Variants in WDR49 observed in about 807,000 individuals in gnomAD.
The protein encoded by WDR49 is WD repeat domain 49.
WDR49 carries 107 observed loss-of-function variants against 119.5 expected under a neutral mutation model. That is an observed-to-expected ratio of 0.90 (90% confidence interval 0.77 to 1.05). The LOEUF (loss-of-function observed/expected upper bound fraction) is 1.05. WDR49 is among the 50% of genes least tolerant of loss of function. WDR49 has a pLI of 0.00. For synonymous variants in WDR49, 425 were observed against 418.8 expected, an observed-to-expected ratio of 1.01 and a Z score of -0.18; for missense variants, 1,240 against 1,220.5, an observed-to-expected ratio of 1.02 and a Z score of -0.24.
chr3:167,615,706 G>A (rs912110847), intron 5 of WDR49, among the ~76,000 whole-genome samples: 2 of 152,120 alleles, frequency 1.3e-5, no homozygotes, highest in Non-Finnish European at 2.9e-5. Flanking sequence ...GAAAATTAAT[G>A]TAATGCTTTC....
At chr3:167,568,360 A>T (rs1255691958) in intron 8 of WDR49, among the ~76,000 whole-genome samples, 1 of 152,162 alleles carries the variant, frequency 6.6e-6, no homozygotes, top group Non-Finnish European at 1.5e-5. Flanking sequence ...AAATTATTGT[A>T]TAATAACTGC....
At chr3:167,650,143 A>G (rs1718303855) in intron 2 of WDR49, among the ~76,000 whole-genome samples, 3 of 152,178 alleles carry the variant, frequency 2.0e-5, no homozygotes, top group Admixed American at 2.0e-4. Flanking sequence ...ATCAAGCTCC[A>G]TGGCTTTCCC....
In WDR49 at chr3:167,606,932, A is replaced by G. The variant is rs562247346; in HGVS notation, c.959-2464T>C. On this transcript the variant is annotated intron_variant, in intron 5 of 18. Coordinates refer to ENST00000682715, the MANE Select transcript of WDR49 (RefSeq NM_001366157.1). ...GAACCTTCAGAATGAAGATCCAAAG[A>G]TATACAAGACACTGTCCATTTTTAC... 3.3e-5 allele frequency among the ~76,000 whole-genome samples: 5 copies of G among 152,326 alleles called. No individual in the cohort carries two copies. The East Asian group carries it at 9.6e-4, about 29-fold the overall frequency.
At chr3:167,583,231 G>A (rs1293447967) in intron 7 of WDR49, among the ~76,000 whole-genome samples, 1 of 151,706 alleles carries the variant, frequency 6.6e-6, no homozygotes, top group Non-Finnish European at 1.5e-5. Flanking sequence ...AATTTACAAT[G>A]TAAATTAAAA....
intron 2 of WDR49, among the ~76,000 whole-genome samples, chr3:167,647,698 A>G (rs1381508768): frequency 3.9e-5 from 6 of 152,182 alleles, no homozygotes; most frequent in Non-Finnish European, 8.8e-5. Flanking sequence ...GTCTTTGTTC[A>G]GCAGATGATG....
chr3:167,539,027 A>G (rs892173780), intron 10 of WDR49, among the ~76,000 whole-genome samples: 3 of 152,120 alleles, frequency 2.0e-5, no homozygotes, highest in African/African-American at 7.2e-5. Flanking sequence ...CTTTTCAGTT[A>G]TATATGAATA....
intron 8 of WDR49, among the ~76,000 whole-genome samples, chr3:167,571,876 A>T (rs77347319): frequency 0.058 from 8,844 of 152,260 alleles, 692 homozygotes; most frequent in African/African-American, 0.17. Flanking sequence ...GATGACACCT[A>T]AATGTCTACC....
At chr3:167,557,999 C>A (rs1281009143) in intron 9 of WDR49, among the ~76,000 whole-genome samples, 1 of 151,914 alleles carries the variant, frequency 6.6e-6, no homozygotes, top group Non-Finnish European at 1.5e-5. Flanking sequence ...GTTTGTAATC[C>A]CAGCTACTCA....
chr3:167,575,163 G>T, intron 8 of WDR49: 1 of 985,328 alleles, frequency 1.0e-6, no homozygotes, highest in African/African-American at 1.7e-5. Flanking sequence ...GTTACCATCA[G>T]GCCTGACGGG....
intron 2 of WDR49, among the ~76,000 whole-genome samples, chr3:167,647,128 A>G (rs555920839): frequency 3.5e-4 from 54 of 152,320 alleles, no homozygotes; most frequent in African/African-American, 1.2e-3. Flanking sequence ...AAATTTCAAA[A>G]GTAGCAGTGC....
intron 2 of WDR49, among the ~76,000 whole-genome samples, chr3:167,631,167 AATG>A (rs780253094): frequency 4.6e-5 from 7 of 152,026 alleles, no homozygotes; most frequent in Non-Finnish European, 8.8e-5. Flanking sequence ...ACCTAATGTA[AATG>A]ATGAGTTGAT....
At chr3:167,492,946 T>C (rs1157887662) in intron 18 of WDR49, among the ~76,000 whole-genome samples, 3 of 151,632 alleles carry the variant, frequency 2.0e-5, no homozygotes, top group African/African-American at 7.3e-5. Context: ...GCGGATAAGA[T>C]GAGACTATGT....
chr3:167,560,099 G>A lies in WDR49; in HGVS notation c.1639C>T (p.Arg547Trp), dbSNP rs141496184. Reference protein sequence around the residue: ...STMALDANETRLLTGSTDGTV... With the variant: ...STMALDANETWLLTGSTDGTV... Reference sequence around the variant, plus strand: ...CCATCTGTGCTGCCAGTCAAAAGCCGAGTCTCATTTGCATCAAGGGCCATA... The same window carrying A: ...CCATCTGTGCTGCCAGTCAAAAGCCAAGTCTCATTTGCATCAAGGGCCATA... The change falls in exon 9 of 19, where the codon CGG (arginine) becomes TGG (tryptophan). Residue 547 changes from arginine (R) to tryptophan (W), a missense_variant. Physicochemically the swap from Arg to Trp is moderately radical, Grantham distance 101. Transcript: ENST00000682715. 486 of 1,613,996 alleles carry A rather than the reference G, an allele frequency of 3.0e-4. 1 individual carries two copies. Among genetic ancestry groups the A allele is most frequent in the Admixed American group, 4.5e-4 (27 of 59,992 alleles).
intron 8 of WDR49, among the ~76,000 whole-genome samples, chr3:167,573,737 A>G (rs553771460): frequency 6.6e-6 from 1 of 152,250 alleles, no homozygotes; most frequent in East Asian, 1.9e-4. Context: ...TTTTAATCTC[A>G]ATTCTATGCT....
intron 10 of WDR49, among the ~76,000 whole-genome samples, chr3:167,544,023 C>G (rs1455744041): frequency 6.6e-6 from 1 of 151,506 alleles, no homozygotes; most frequent in Non-Finnish European, 1.5e-5. Flanking sequence ...AACAACCAAG[C>G]TGAGAACCAA....
At chr3:167,613,819 C>T (rs759911093) in intron 5 of WDR49, among the ~76,000 whole-genome samples, 3 of 151,772 alleles carry the variant, frequency 2.0e-5, no homozygotes, top group Non-Finnish European at 4.4e-5. Context: ...GTAGCTCATG[C>T]CTGTAATCCC....
chr3:167,498,990 C>T (rs899448544), intron 18 of WDR49, among the ~76,000 whole-genome samples: 3 of 152,010 alleles, frequency 2.0e-5, no homozygotes, highest in African/African-American at 7.2e-5. Flanking sequence ...TTTCTGAGCC[C>T]CCAAAAGAGC....
chr3:167,632,433 AC>A (rs1272331564), intron 2 of WDR49, among the ~76,000 whole-genome samples: 1 of 152,006 alleles, frequency 6.6e-6, no homozygotes, highest in East Asian at 1.9e-4. Context: ...ATGAAATTTG[AC>A]CCAAAAAGTA....
At chr3:167,607,726 T>C (rs533140509) in intron 5 of WDR49, among the ~76,000 whole-genome samples, 3 of 152,150 alleles carry the variant, frequency 2.0e-5, no homozygotes, top group Non-Finnish European at 4.4e-5. Flanking sequence ...TATTACCAAC[T>C]ACCTTTCTGT....
Sources: allele counts gnomAD v4.1 joint callset (sites outside exome capture counted in the v4.1 genomes callset), GRCh38; gene constraint gnomAD v4.1.1; transcripts MANE v1.5; gene names NCBI Gene and HGNC (gene_info 2026-07-23, HGNC 2026-07-21).